TFDP2: variants seen among roughly 807,000 people sequenced by gnomAD.
The protein encoded by TFDP2 is transcription factor Dp-2.
TFDP2 carries 17 observed loss-of-function variants against 59.3 expected under a neutral mutation model. That is an observed-to-expected ratio of 0.29 (90% CI 0.20 to 0.43). TFDP2 has a LOEUF of 0.43. Among genes scored for constraint, TFDP2 ranks in the 20% least tolerant of loss-of-function variants. The pLI, the probability that TFDP2 is intolerant of heterozygous loss-of-function variation, is 1.00. For synonymous variants in TFDP2, 180 were observed against 194.7 expected (o/e 0.92, Z 0.63); for missense variants, 391 against 528.8 (o/e 0.74, Z 2.56).
intron 3 of TFDP2, among the ~76,000 whole-genome samples, chr3:142,086,276 T>C (rs961042051): frequency 1.3e-5 from 2 of 152,192 alleles, no homozygotes; most frequent in African/African-American, 2.4e-5. Flanking sequence ...TTCTCCCTAC[T>C]AGCAAAAAAT....
intron 7 of TFDP2, among the ~76,000 whole-genome samples, chr3:141,975,994 C>G (rs1470920331): frequency 6.6e-6 from 1 of 152,076 alleles, no homozygotes; most frequent in Non-Finnish European, 1.5e-5. Context: ...GATTCTCCAG[C>G]CTCAGCCTCC....
Position 141,945,477 on chromosome 3 carries a change from T to C in TFDP2, c.*7036A>G, listed in dbSNP as rs781059948. On this transcript the variant is annotated 3_prime_UTR_variant, in exon 13 of 13. Transcript: ENST00000489671. ...TCAAGAGTGATGGTGGTGAACCAAG[T>C]GCGTGAAGGAACTCAGTACTGAAAC... 2 of 152,262 alleles carry C rather than the reference T, an allele frequency of 1.3e-5. No individual in the cohort carries two copies. The highest frequency in any genetic ancestry group is 2.9e-5 in the Non-Finnish European group (2 of 68,100). 9.4% of individuals were successfully genotyped at this position (152,262 alleles called of 1,614,324 possible).
intron 1 of TFDP2, among the ~76,000 whole-genome samples, chr3:142,117,006 T>C (rs2108685013): frequency 6.6e-6 from 1 of 152,072 alleles, no homozygotes; most frequent in East Asian, 1.9e-4. Context: ...ACTGCAACCT[T>C]AGCCTCACAA....
intron 3 of TFDP2, among the ~76,000 whole-genome samples, chr3:142,079,392 A>G (rs2060564284): frequency 6.6e-6 from 1 of 152,200 alleles, no homozygotes; most frequent in Non-Finnish European, 1.5e-5. Flanking sequence ...TCTAGAAAAT[A>G]GCCTCCAAAA....
chr3:142,120,206 C>CA (rs1204171333), intron 1 of TFDP2, among the ~76,000 whole-genome samples: 1 of 151,160 alleles, frequency 6.6e-6, no homozygotes, highest in Non-Finnish European at 1.5e-5. Flanking sequence ...ACTAAAAATA[C>CA]AAAAAATTAG....
intron 2 of TFDP2, among the ~76,000 whole-genome samples, chr3:142,099,744 C>T (rs1245746475): frequency 6.6e-6 from 1 of 151,846 alleles, no homozygotes; most frequent in Non-Finnish European, 1.5e-5. Context: ...TACCTCCATT[C>T]CTAAGCTTTC....
At chr3:141,987,265 T>TTGTGTG (rs56988461) in intron 6 of TFDP2, among the ~76,000 whole-genome samples, 62 of 132,926 alleles carry the variant, frequency 4.7e-4, no homozygotes, top group African/African-American at 1.4e-3. Context: ...GCTGTCAGAT[T>TTGTGTG]TGTGTGTGTG....
At chr3:142,141,044 GCTTT>G (rs2062936014) in intron 1 of TFDP2, among the ~76,000 whole-genome samples, 1 of 152,146 alleles carries the variant, frequency 6.6e-6, no homozygotes, top group South Asian at 2.1e-4. Context: ...CTTCCTGGCC[GCTTT>G]GTTTACCTAC....
chr3:142,069,797 C>A (rs551178743), intron 3 of TFDP2, among the ~76,000 whole-genome samples: 1 of 151,412 alleles, frequency 6.6e-6, no homozygotes, highest in African/African-American at 2.4e-5. Context: ...TTAGTAGAGA[C>A]GGGGTTTCAC....
At chr3:141,974,905 T>C (rs1559955341) in intron 7 of TFDP2, among the ~76,000 whole-genome samples, 1 of 140,352 alleles carries the variant, frequency 7.1e-6, no homozygotes, top group African/African-American at 2.7e-5. Flanking sequence ...TTTCTTCTTC[T>C]TCTTTTTTTT....
intron 1 of TFDP2, among the ~76,000 whole-genome samples, chr3:142,112,911 T>C (rs1235181955): frequency 6.6e-6 from 1 of 152,260 alleles, no homozygotes; most frequent in Non-Finnish European, 1.5e-5. Flanking sequence ...CAATATGTAT[T>C]ATTTGTTCTT....
intron 7 of TFDP2, among the ~76,000 whole-genome samples, chr3:141,977,089 CATAT>C (rs1275287133): frequency 9.0e-6 from 1 of 110,946 alleles, no homozygotes; most frequent in Non-Finnish European, 1.7e-5. Flanking sequence ...CAGTCATAGC[CATAT>C]ATATATATAT....
chr3:142,066,329 C>A (rs73872560), intron 3 of TFDP2, among the ~76,000 whole-genome samples: 7,025 of 152,246 alleles, frequency 0.046, 579 homozygotes, highest in African/African-American at 0.16. Flanking sequence ...GATGCGGTTA[C>A]ATCCTGATAA....
intron 3 of TFDP2, among the ~76,000 whole-genome samples, chr3:142,014,770 C>A (rs1357893793): frequency 6.6e-6 from 1 of 152,146 alleles, no homozygotes; most frequent in African/African-American, 2.4e-5. Flanking sequence ...TCTGTCAGAT[C>A]ATTCTCATCA....
chr3:142,080,436 A>AATGAAGAGAACATCACAAAACAACC (rs1343510880), intron 3 of TFDP2, among the ~76,000 whole-genome samples: 2 of 152,206 alleles, frequency 1.3e-5, no homozygotes, highest in African/African-American at 4.8e-5. Flanking sequence ...GGGAAGAAGG[A>AATGAAGAGAACATCACAAAACAACC]ATGAAGAGAA....
At chr3:142,015,610 G>A (rs1014973767) in intron 3 of TFDP2, among the ~76,000 whole-genome samples, 1 of 152,046 alleles carries the variant, frequency 6.6e-6, no homozygotes, top group African/African-American at 2.4e-5. Flanking sequence ...TCTGGTCCCG[G>A]CCAACATCTT....
chr3:142,141,044 G>A (rs920309724), intron 1 of TFDP2, among the ~76,000 whole-genome samples: 7 of 152,146 alleles, frequency 4.6e-5, no homozygotes, highest in Admixed American at 6.5e-5. Context: ...CTTCCTGGCC[G>A]CTTTGTTTAC....
intron 3 of TFDP2, among the ~76,000 whole-genome samples, chr3:142,022,719 A>G (rs983451357): frequency 3.9e-5 from 6 of 152,378 alleles, no homozygotes; most frequent in Middle Eastern, 3.4e-3. Flanking sequence ...CCGAGAGGGT[A>G]GCCAGACAGG....
intron 1 of TFDP2, among the ~76,000 whole-genome samples, chr3:142,118,618 T>C (rs780223389): frequency 1.6e-4 from 25 of 152,178 alleles, no homozygotes; most frequent in Non-Finnish European, 3.5e-4. Flanking sequence ...AAATTATTTT[T>C]TATTTTGCTT....
Sources: gnomAD v4.1 joint callset for allele counts (sites outside exome capture counted in the v4.1 genomes callset) on GRCh38, gnomAD v4.1.1 for gene constraint, MANE v1.5 for transcripts, NCBI Gene and HGNC (gene_info 2026-07-23, HGNC 2026-07-21) for gene names.